Variants in SCN7A observed in about 807,000 individuals in gnomAD.
SCN7A encodes the protein sodium voltage-gated channel alpha subunit 7.
A neutral mutation model predicts 155.2 loss-of-function variants in SCN7A; 138 were observed. That is an observed-to-expected ratio of 0.89 (90% CI 0.77 to 1.02). SCN7A has a LOEUF of 1.02. SCN7A is among the 50% of genes least tolerant of loss of function. SCN7A has a pLI of 0.00. For synonymous variants in SCN7A, 693 were observed against 649.0 expected, an observed-to-expected ratio of 1.07 and a Z score of -1.03; for missense variants, 2,058 against 1,986.6, an observed-to-expected ratio of 1.04 and a Z score of -0.68.
intron 19 of SCN7A, among the ~76,000 whole-genome samples, chr2:166,422,226 CA>C (rs1701526472): frequency 6.6e-6 from 1 of 152,004 alleles, no homozygotes; most frequent in African/African-American, 2.4e-5. Context: ...ATTCATTCAA[CA>C]AAAATACTGA....
At chr2:166,419,640 T>C (rs969249660) in intron 20 of SCN7A, among the ~76,000 whole-genome samples, 1 of 152,088 alleles carries the variant, frequency 6.6e-6, no homozygotes, top group Non-Finnish European at 1.5e-5. Context: ...TTGCTAGGAT[T>C]AGAGGTGTAA....
rs1454476602 is a variant in SCN7A, at chr2:166,416,701, A to T, written c.3414+6T>A. Reference sequence around the variant, plus strand: ...ATTAATAAGGAAAAGTCAAAAGTGTACTTACTACTTGAAGCAGAGAAAGGA... The same window carrying T: ...ATTAATAAGGAAAAGTCAAAAGTGTTCTTACTACTTGAAGCAGAGAAAGGA... On this transcript the variant is annotated splice_donor_region_variant and intron_variant, in intron 21 of 25. Coordinates refer to ENST00000643258, the MANE Select transcript of SCN7A (RefSeq NM_002976.4). 6.3e-7 allele frequency: 1 copy of T among 1,595,022 alleles called. No individual in the cohort carries two copies. Among genetic ancestry groups the T allele is most frequent in the Non-Finnish European group, 8.5e-7 (1 of 1,169,982 alleles).
intron 19 of SCN7A, among the ~76,000 whole-genome samples, chr2:166,422,576 G>T (rs1485694854): frequency 6.6e-6 from 1 of 152,298 alleles, no homozygotes; most frequent in East Asian, 1.9e-4. Flanking sequence ...TGGCATATTT[G>T]AAGTGCTCCA....
intron 2 of SCN7A, among the ~76,000 whole-genome samples, chr2:166,484,397 A>G (rs974846395): frequency 1.3e-5 from 2 of 151,840 alleles, no homozygotes; most frequent in African/African-American, 2.4e-5. Context: ...TTATGTACCT[A>G]TGAGTGTGTA....
rs2105486059 is a variant in SCN7A at position 166,465,920 on chromosome 2, A to C, written c.732T>G (p.Thr244=). Residue 244 remains threonine (T), a synonymous_variant, in exon 8 of 26, where the codon ACT becomes ACG. Coordinates refer to ENST00000643258, the MANE Select transcript of SCN7A (RefSeq NM_002976.4). Reference sequence around the variant, plus strand: ...GAGAAAATATGCTCAGAAAAAACAGAGTTAGGATAATGACACCAATAAGCT... The same window carrying C: ...GAGAAAATATGCTCAGAAAAAACAGCGTTAGGATAATGACACCAATAAGCT... ...LKQLIGVIIL[T]LFFLSIFSLI... is the part of the protein sequence containing the mutation. 1.9e-6 allele frequency: 3 copies of C among 1,613,788 alleles called. No homozygotes were observed. The South Asian group carries it at 3.3e-5, about 18-fold the overall frequency.
intron 6 of SCN7A, among the ~76,000 whole-genome samples, chr2:166,471,784 T>C (rs1409288336): frequency 6.6e-6 from 1 of 151,582 alleles, no homozygotes; most frequent in Non-Finnish European, 1.5e-5. Context: ...TTACTGGTCT[T>C]ATGCAATGTA....
chr2:166,406,618 G>A lies in SCN7A; in HGVS notation c.4011C>T (p.Ser1337=). 1 of 1,610,064 alleles carries A rather than the reference G, an allele frequency of 6.2e-7. No homozygotes were observed. Among genetic ancestry groups the A allele is most frequent in the African/African-American group, 1.3e-5 (1 of 74,902 alleles). ...GCACAAGTGAAGGAGGCACAAGGTA[G>A]GATCCTACTGTCATAGGCAGACATA... ...TGLCLPMTVG[S]YLVPPSLVQL... is the part of the protein sequence containing the mutation. Residue 1337 remains serine, a synonymous_variant, in exon 26 of 26, where the codon TCC becomes TCT. Transcript: ENST00000643258.
intron 11 of SCN7A, among the ~76,000 whole-genome samples, chr2:166,454,433 T>TA (rs1702235576): frequency 6.6e-6 from 1 of 152,226 alleles, no homozygotes; most frequent in Admixed American, 6.5e-5. Flanking sequence ...AGTATGATCT[T>TA]ACATCATGTC....
intron 1 of SCN7A, among the ~76,000 whole-genome samples, chr2:166,491,995 C>T (rs912128265): frequency 6.6e-6 from 1 of 151,778 alleles, no homozygotes; most frequent in Non-Finnish European, 1.5e-5. Flanking sequence ...TTTCCCAATC[C>T]CTGAGTAAGG....
At chr2:166,442,688 T>G (rs774033905) in intron 14 of SCN7A, among the ~76,000 whole-genome samples, 1 of 152,190 alleles carries the variant, frequency 6.6e-6, no homozygotes, top group Non-Finnish European at 1.5e-5. Context: ...CATTTATCTA[T>G]GAAAAAAATT....
At position 166,472,301 on chromosome 2, in the gene SCN7A, T is replaced by A. The variant is rs1412796205; in HGVS notation, c.572+16A>T. Reference sequence around the variant, plus strand: ...AGCAAAACATTAAAATAGACTCAATTTAAAGAAATACTCACTCAAACACAG... The same window carrying A: ...AGCAAAACATTAAAATAGACTCAATATAAAGAAATACTCACTCAAACACAG... On this transcript the variant is annotated intron_variant, in intron 6 of 25. Transcript: ENST00000643258. 1.3e-6 allele frequency: 2 copies of A among 1,572,634 alleles called. No individual in the cohort carries two copies.
chr2:166,439,858 G>C (rs1450374314), intron 15 of SCN7A, among the ~76,000 whole-genome samples: 1 of 152,136 alleles, frequency 6.6e-6, no homozygotes, highest in African/African-American at 2.4e-5. Context: ...TGTGATAATT[G>C]TATGACAAGG....
intron 4 of SCN7A, 137 bp from the exon 5 acceptor site, chr2:166,474,025 A>C (rs1004325792): frequency 1.9e-6 from 1 of 524,548 alleles, no homozygotes; most frequent in Non-Finnish European, 3.3e-6. Context: ...AATATTTACT[A>C]TTGTTGTGTA....
chr2:166,427,466 T>C (rs1169378555), intron 18 of SCN7A, among the ~76,000 whole-genome samples: 1 of 152,072 alleles, frequency 6.6e-6, no homozygotes, highest in African/African-American at 2.4e-5. Context: ...AAATGTTTCA[T>C]ACATGAAAAT....
At chr2:166,411,314 A>G (rs565392587) in intron 23 of SCN7A, among the ~76,000 whole-genome samples, 202 of 152,188 alleles carry the variant, frequency 1.3e-3, no homozygotes, top group Non-Finnish European at 2.4e-3. Flanking sequence ...GATGTGAATC[A>G]TCCCTTTGTC....
chr2:166,429,104 C>T, intron 17 of SCN7A, 65 bp downstream of exon 17: 1 of 847,770 alleles, frequency 1.2e-6, no homozygotes, highest in Non-Finnish European at 1.9e-6. Flanking sequence ...GGATATGGAA[C>T]ATATACATTT....
chr2:166,448,497 T>C (rs955146607), intron 11 of SCN7A, among the ~76,000 whole-genome samples: 2 of 152,196 alleles, frequency 1.3e-5, no homozygotes, highest in African/African-American at 4.8e-5. Context: ...GATGATATGG[T>C]AGCTCTATTT....
chr2:166,482,584 C>T (rs1702953250), intron 2 of SCN7A, among the ~76,000 whole-genome samples: 1 of 151,886 alleles, frequency 6.6e-6, no homozygotes, highest in South Asian at 2.1e-4. Flanking sequence ...AAATCCTGGA[C>T]CACAGCACTG....
chr2:166,440,339 T>G (rs1342890254), intron 15 of SCN7A, among the ~76,000 whole-genome samples: 1 of 152,182 alleles, frequency 6.6e-6, no homozygotes, highest in Non-Finnish European at 1.5e-5. Flanking sequence ...TACATTTAAG[T>G]GCTTCTTAAA....
Sources: gnomAD v4.1 joint callset for allele counts (sites outside exome capture counted in the v4.1 genomes callset) on GRCh38, gnomAD v4.1.1 for gene constraint, MANE v1.5 for transcripts, NCBI Gene and HGNC (gene_info 2026-07-23, HGNC 2026-07-21) for gene names.